Variants in RFX8 observed in about 807,000 individuals in gnomAD.
RFX8 encodes DNA-binding protein RFX8.
In RFX8, 46 loss-of-function variants were observed where a neutral mutation model predicts 54.6. The observed-to-expected ratio is 0.84, with a 90% CI of 0.67 to 1.08. The LOEUF (loss-of-function observed/expected upper bound fraction) is 1.08, where lower values mean the gene tolerates loss of function less well. RFX8 is among the 50% of genes least tolerant of loss of function. The probability of loss-of-function intolerance (pLI) is 0.00; values close to 1 mark genes in which losing one functional copy is unlikely to be tolerated. For synonymous variants in RFX8, 192 were observed against 209.5 expected (o/e 0.92, Z 0.72); for missense variants, 536 against 562.3 (o/e 0.95, Z 0.47).
At chr2:101,408,296 T>C (rs2104534521) in intron 9 of RFX8, among the ~76,000 whole-genome samples, 1 of 152,106 alleles carries the variant, frequency 6.6e-6, no homozygotes, top group South Asian at 2.1e-4. Context: ...CCATCCTGGC[T>C]AACACGGTGA....
chr2:101,445,138 C>G (rs1688300010), intron 2 of RFX8, among the ~76,000 whole-genome samples: 1 of 152,212 alleles, frequency 6.6e-6, no homozygotes, highest in African/African-American at 2.4e-5. Flanking sequence ...TCCCTAGTCT[C>G]TCTAACCTCT....
intron 8 of RFX8, 72 bp from the exon 9 acceptor site, chr2:101,410,785 A>G: frequency 1.3e-6 from 1 of 779,194 alleles, no homozygotes; most frequent in South Asian, 1.6e-5. Flanking sequence ...GTATTTGTGT[A>G]CTGGGTAACC....
chr2:101,472,461 C>T (rs1169202214), intron 1 of RFX8, among the ~76,000 whole-genome samples: 1 of 152,074 alleles, frequency 6.6e-6, no homozygotes, highest in Admixed American at 6.6e-5. Context: ...AAAAGTCCTC[C>T]CCAATGAAAA....
At chr2:101,446,396 G>A (rs182890359) in intron 2 of RFX8, among the ~76,000 whole-genome samples, 2 of 148,790 alleles carry the variant, frequency 1.3e-5, no homozygotes, top group East Asian at 4.0e-4. Flanking sequence ...GGCTGGTCTC[G>A]ATCTCCTGAC....
At chr2:101,469,040 ATG>A (rs1491505435) in intron 1 of RFX8, among the ~76,000 whole-genome samples, 1,740 of 54,364 alleles carry the variant, frequency 0.032, 26 homozygotes, top group East Asian at 0.088. Context: ...ACGTATATAT[ATG>A]TATATATATA....
At chr2:101,428,277 C>T (rs900321056) in intron 2 of RFX8, among the ~76,000 whole-genome samples, 1 of 152,152 alleles carries the variant, frequency 6.6e-6, no homozygotes, top group African/African-American at 2.4e-5. Context: ...CCTCTAATCC[C>T]ATGTGATGGT....
chr2:101,410,417 A>ACACACACACACT (rs1553451405), intron 9 of RFX8, among the ~76,000 whole-genome samples: 4 of 147,824 alleles, frequency 2.7e-5, no homozygotes, highest in Admixed American at 2.0e-4. Context: ...ACACACACAC[A>ACACACACACACT]CTTATGTGAT....
At chr2:101,427,208 C>T (rs1381504551) in intron 2 of RFX8, among the ~76,000 whole-genome samples, 1 of 152,176 alleles carries the variant, frequency 6.6e-6, no homozygotes, top group Non-Finnish European at 1.5e-5. Flanking sequence ...ACGTCCTAAT[C>T]CCTGGAACCT....
At chr2:101,401,735 C>T (rs1685455664) in intron 11 of RFX8, among the ~76,000 whole-genome samples, 1 of 152,122 alleles carries the variant, frequency 6.6e-6, no homozygotes, top group Non-Finnish European at 1.5e-5. Flanking sequence ...AACCTGCGTC[C>T]TGCACTCCTC....
At chr2:101,426,067 G>T (rs1184447909) in intron 2 of RFX8, among the ~76,000 whole-genome samples, 2 of 152,154 alleles carry the variant, frequency 1.3e-5, no homozygotes, top group Admixed American at 1.3e-4. Flanking sequence ...AAAAAGAAAA[G>T]ATACCTGTTT....
chr2:101,434,528 A>G (rs1687664191), intron 2 of RFX8, among the ~76,000 whole-genome samples: 1 of 67,784 alleles, frequency 1.5e-5, no homozygotes, highest in South Asian at 5.7e-4. Context: ...CTTCACTGGC[A>G]GACAGCAAAT....
chr2:101,468,624 T>C (rs1489209725), intron 1 of RFX8, among the ~76,000 whole-genome samples: 2 of 151,928 alleles, frequency 1.3e-5, no homozygotes, highest in East Asian at 3.9e-4. Flanking sequence ...AACATACCAG[T>C]GACTGGATTT....
intron 2 of RFX8, among the ~76,000 whole-genome samples, chr2:101,447,983 G>A (rs4851446): frequency 0.76 from 115,171 of 152,182 alleles, 44,525 homozygotes; most frequent in Middle Eastern, 0.88. Flanking sequence ...GGATGACAGA[G>A]ATGAACACTG....
intron 4 of RFX8, chr2:101,421,230 G>A: frequency 1.0e-6 from 1 of 983,482 alleles, no homozygotes; most frequent in Non-Finnish European, 1.2e-6. Context: ...ATCTCACACT[G>A]CAGAAGATGA....
rs1688023756 is a variant in RFX8, at chr2:101,440,263, TCTG to T, written c.73-17794_73-17792del. On this transcript the variant is annotated intron_variant, in intron 2 of 11. Transcript: ENST00000428343. The stretch of plus-strand genomic sequence containing the variant: ...GCCTGAGACTGCTCTCGTAGAAAGC[TCTG>T]CTGCCAAGTTTGGCCCTCGGCTAGG... Among the ~76,000 whole-genome samples the T allele has an allele frequency of 3.3e-5, 5 of 152,260 alleles. No homozygotes were observed. The East Asian group carries it at 9.7e-4, about 29-fold the overall frequency.
intron 2 of RFX8, among the ~76,000 whole-genome samples, chr2:101,436,320 G>C (rs6728722): frequency 0.76 from 115,077 of 152,042 alleles, 44,506 homozygotes; most frequent in Middle Eastern, 0.88. Flanking sequence ...ATCTCTCTAC[G>C]ACAATGCTCT....
intron 2 of RFX8, among the ~76,000 whole-genome samples, chr2:101,439,931 C>T (rs150826563): frequency 1.6e-3 from 244 of 152,222 alleles, no homozygotes; most frequent in African/African-American, 5.4e-3. Context: ...GTGTCCATGC[C>T]GTCACCAGTA....
chr2:101,401,788 T>G (rs189041789), intron 11 of RFX8, among the ~76,000 whole-genome samples: 1 of 152,274 alleles, frequency 6.6e-6, no homozygotes, highest in East Asian at 1.9e-4. Context: ...AGGTGAAGAA[T>G]GGACTTGAGA....
At chr2:101,412,604 A>G (rs1394211238) in intron 8 of RFX8, among the ~76,000 whole-genome samples, 1 of 152,174 alleles carries the variant, frequency 6.6e-6, no homozygotes, top group African/African-American at 2.4e-5. Flanking sequence ...CTTTTCCCCC[A>G]CAGGAGATAT....
Sources: allele counts gnomAD v4.1 joint callset (sites outside exome capture counted in the v4.1 genomes callset), GRCh38; gene constraint gnomAD v4.1.1; transcripts MANE v1.5; gene names NCBI Gene and HGNC (gene_info 2026-07-23, HGNC 2026-07-21).